MAP3K14: variants seen among roughly 807,000 people sequenced by gnomAD.
The protein encoded by MAP3K14 is mitogen-activated protein kinase kinase kinase 14, also known as NF-kappa-beta-inducing kinase.
Under a neutral mutation model 99.2 loss-of-function variants are expected in MAP3K14, and 16 were observed. The ratio of observed to expected loss-of-function variants is 0.16; its 90% CI spans 0.11 to 0.24. MAP3K14 has a LOEUF of 0.24. MAP3K14 is among the 10% of genes least tolerant of loss of function. The pLI is 1.00. For synonymous variants in MAP3K14, 462 were observed against 492.4 expected (o/e 0.94, Z 0.82); for missense variants, 784 against 1,208.7 (o/e 0.65, Z 5.21).
At chr17:45,306,171 C>T (rs770203329) in intron 1 of MAP3K14, among the ~76,000 whole-genome samples, 3 of 152,114 alleles carry the variant, frequency 2.0e-5, no homozygotes, top group Non-Finnish European at 4.4e-5. Context: ...CTAATGTTAT[C>T]CGTTTACAAG....
At chr17:45,293,296 C>T (rs1209630015) in intron 1 of MAP3K14, among the ~76,000 whole-genome samples, 1 of 152,194 alleles carries the variant, frequency 6.6e-6, no homozygotes, top group Non-Finnish European at 1.5e-5. Context: ...CTCTGATAGC[C>T]TGTCTCCGCC....
intron 1 of MAP3K14, among the ~76,000 whole-genome samples, chr17:45,296,116 A>T (rs2044344813): frequency 6.6e-6 from 1 of 152,116 alleles, no homozygotes; most frequent in African/African-American, 2.4e-5. Flanking sequence ...AAGTAGAATG[A>T]CTCAACTTCC....
chr17:45,306,661 C>T (rs940854100), intron 1 of MAP3K14, among the ~76,000 whole-genome samples: 6 of 152,212 alleles, frequency 3.9e-5, no homozygotes, highest in Non-Finnish European at 7.3e-5. Flanking sequence ...AACAAAGACT[C>T]GAGCATCATT....
chr17:45,312,976 C>T (rs538566750), intron 1 of MAP3K14, among the ~76,000 whole-genome samples: 24 of 152,286 alleles, frequency 1.6e-4, no homozygotes, highest in African/African-American at 5.8e-4. Context: ...TACTTGATCA[C>T]GTGTGGGACA....
Position 45,274,586 on chromosome 17 carries a change from A to C in MAP3K14, c.1298T>G (p.Leu433Arg). ...GFQCAVKKVR[L>R]EVFRAEELMA... is the part of the protein sequence containing the mutation. ...CAGCTCCTCTGCCCGAAATACTTCC[A>C]GCCGCACCTGCAAGGGCCCAGAGGC... Residue 433 changes from leucine (L) to arginine (R), a missense_variant, in exon 7 of 16, where the codon CTG (leucine) becomes CGG (arginine). This residue lies in a region of MAP3K14 where 200 missense variants were observed against 367.9 expected (regional missense o/e 0.54). Coordinates refer to ENST00000344686, the MANE Select transcript of MAP3K14 (RefSeq NM_003954.5). 1 of 1,613,636 alleles carries C rather than the reference A, an allele frequency of 6.2e-7. No individual in the cohort carries two copies. The highest frequency in any genetic ancestry group is 8.5e-7 in the Non-Finnish European group (1 of 1,179,858).
In MAP3K14 at chr17:45,287,056, A is replaced by G; in HGVS notation, c.538-11T>C. 1 of 1,609,004 alleles carries G rather than the reference A, an allele frequency of 6.2e-7. No individual in the cohort carries two copies. Among genetic ancestry groups the G allele is most frequent in the Non-Finnish European group, 8.5e-7 (1 of 1,176,348 alleles). ...TGGAGACTCATCCTCCTGCGGGGGG[A>G]AACACAGCTATCAGCACAGAGGGCC... On this transcript the variant is annotated splice_polypyrimidine_tract_variant and intron_variant, in intron 4 of 15. Transcript: ENST00000344686.
chr17:45,313,910 T>C (rs1417929769), intron 1 of MAP3K14, among the ~76,000 whole-genome samples: 1 of 152,188 alleles, frequency 6.6e-6, no homozygotes, highest in African/African-American at 2.4e-5. Flanking sequence ...TGTTTCTCCT[T>C]ATGAGGCTTC....
intron 1 of MAP3K14, among the ~76,000 whole-genome samples, chr17:45,310,892 C>G (rs2044471809): frequency 6.6e-6 from 1 of 152,172 alleles, no homozygotes; most frequent in Non-Finnish European, 1.5e-5. Flanking sequence ...TTTCTGTTTA[C>G]TTTTTCTTAG....
At chr17:45,316,370 A>T (rs1301537579) in intron 1 of MAP3K14, among the ~76,000 whole-genome samples, 1 of 152,222 alleles carries the variant, frequency 6.6e-6, no homozygotes, top group African/African-American at 2.4e-5. Context: ...TAAAGTCCCG[A>T]GTTGGAGAGC....
rs989426487 is a variant in MAP3K14 at position 45,266,285 on chromosome 17, C to T, written c.2578+252G>A. ...TGCTCTCCTCCCCAAGCTAGGGGAACCTTCTGGGACTCCATCAACTGACAA... is the reference window on the plus strand; with the variant it reads ...TGCTCTCCTCCCCAAGCTAGGGGAATCTTCTGGGACTCCATCAACTGACAA... On this transcript the variant is annotated intron_variant, in intron 14 of 15. Coordinates refer to ENST00000344686, the MANE Select transcript of MAP3K14 (RefSeq NM_003954.5). 1.5e-5 allele frequency: 6 copies of T among 409,254 alleles called. No individual in the cohort carries two copies. The East Asian group carries it at 1.8e-4, about 12-fold the overall frequency. 25.4% of individuals were successfully genotyped at this position (409,254 alleles called of 1,614,324 possible).
At chr17:45,316,152 C>T (rs970078308) in intron 1 of MAP3K14, among the ~76,000 whole-genome samples, 3 of 152,224 alleles carry the variant, frequency 2.0e-5, no homozygotes, top group Non-Finnish European at 1.5e-5. Flanking sequence ...ATTCATACCT[C>T]CAGTCCACCC....
At chr17:45,306,229 C>T (rs1476533) in intron 1 of MAP3K14, among the ~76,000 whole-genome samples, 14,908 of 152,142 alleles carry the variant, frequency 0.098, 885 homozygotes, top group Admixed American at 0.15. Context: ...CCCAAGGCCA[C>T]ACAGCAGTGA....
At position 45,288,368 on chromosome 17, in the gene MAP3K14, C is replaced by G. The variant is rs544835708; in HGVS notation, c.326+868G>C. Among the ~76,000 whole-genome samples the G allele has an allele frequency of 5.0e-4, 71 of 142,556 alleles. 1 individual carries two copies. In the Middle Eastern group the frequency reaches 0.025, roughly 50 times the overall value. 93.5% of individuals were successfully genotyped at this position (142,556 alleles called of 152,430 possible). Reference sequence around the variant, plus strand: ...TGATAGGGGAAGGAGCTGTTTCTAGCTTGAACTCTTGTTTTTTTTTTTTTT... The same window carrying G: ...TGATAGGGGAAGGAGCTGTTTCTAGGTTGAACTCTTGTTTTTTTTTTTTTT... On this transcript the variant is annotated intron_variant, in intron 3 of 15. Coordinates refer to ENST00000344686, the MANE Select transcript of MAP3K14 (RefSeq NM_003954.5).
rs1409575372 is a variant in MAP3K14, at chr17:45,264,743, T to C, written c.2737A>G (p.Met913Val). 1.9e-6 allele frequency: 3 copies of C among 1,613,208 alleles called. No individual in the cohort carries two copies. The highest frequency in any genetic ancestry group is 3.3e-5 in the Admixed American group (2 of 59,920). ...TKDGQPVRYD[M>V]EVPDSGIDLQ... Reference sequence around the variant, plus strand: ...TCGATGCCCGAGTCTGGCACCTCCATGTCGTAGCGAACAGGCTGCCCGTCT... The same window carrying C: ...TCGATGCCCGAGTCTGGCACCTCCACGTCGTAGCGAACAGGCTGCCCGTCT... The change falls in exon 16 of 16, where the codon ATG becomes GTG. Residue 913 changes from methionine (M) to valine (V), a missense_variant. Around this residue, in one of 5 missense-constraint regions of MAP3K14, gnomAD observed 130 missense variants for 220.4 expected, o/e 0.59. Transcript: ENST00000344686.
At chr17:45,282,409 G>C (rs1267233891) in intron 6 of MAP3K14, among the ~76,000 whole-genome samples, 1 of 151,998 alleles carries the variant, frequency 6.6e-6, no homozygotes, top group Admixed American at 6.6e-5. Context: ...TAAAAAATTA[G>C]CTGGGTGTGG....
At chr17:45,316,725 C>G (rs528325706) in intron 1 of MAP3K14, among the ~76,000 whole-genome samples, 84 of 151,976 alleles carry the variant, frequency 5.5e-4, no homozygotes, top group African/African-American at 2.0e-3. Context: ...AGCAGGAGTG[C>G]GCGGCCTGGA....
intron 8 of MAP3K14, 111 bp downstream of exon 8, chr17:45,274,012 A>G: frequency 7.8e-7 from 1 of 1,288,630 alleles, no homozygotes; most frequent in South Asian, 1.4e-5. Context: ...AGCCTGACTC[A>G]GGGCCTGCTA....
intron 6 of MAP3K14, among the ~76,000 whole-genome samples, chr17:45,275,747 TTTC>T (rs1392926754): frequency 7.0e-6 from 1 of 142,382 alleles, no homozygotes; most frequent in Non-Finnish European, 1.5e-5. Flanking sequence ...TGCATTTTTT[TTTC>T]TTTTCTTTTC....
At chr17:45,276,180 G>A (rs2044178903) in intron 6 of MAP3K14, among the ~76,000 whole-genome samples, 1 of 152,294 alleles carries the variant, frequency 6.6e-6, no homozygotes, top group South Asian at 2.1e-4. Flanking sequence ...GGCTTCTGGG[G>A]AGTGGCCAAG....
Sources: gnomAD v4.1 joint callset for allele counts (sites outside exome capture counted in the v4.1 genomes callset) on GRCh38, gnomAD v4.1.1 for gene constraint, gnomAD v4.1.1 regional missense constraint, MANE v1.5 for transcripts, NCBI Gene and HGNC (gene_info 2026-07-23, HGNC 2026-07-21) for gene names.